SNAP25: variants seen among roughly 807,000 people sequenced by gnomAD.
The protein encoded by SNAP25 is synaptosome associated protein 25.
In SNAP25, 3 loss-of-function variants were observed where a neutral mutation model predicts 28.7. The observed-to-expected ratio is 0.10, with a 90% CI of 0.05 to 0.27. The LOEUF (loss-of-function observed/expected upper bound fraction) is 0.27. Ranked by LOEUF, SNAP25 falls within the 10% of genes least tolerant of loss-of-function variation. The probability of loss-of-function intolerance (pLI) is 1.00; values close to 1 mark genes in which losing one functional copy is unlikely to be tolerated. For synonymous variants in SNAP25, 61 were observed against 88.1 expected (o/e 0.69, Z 1.72); for missense variants, 117 against 278.7 (o/e 0.42, Z 4.13).
At chr20:10,276,233 T>C (rs1469065612) in intron 2 of SNAP25, among the ~76,000 whole-genome samples, 1 of 152,128 alleles carries the variant, frequency 6.6e-6, no homozygotes, top group Non-Finnish European at 1.5e-5. Context: ...GAGGATCGCA[T>C]AGGCCAAGAG....
At chr20:10,224,257 CTTTTTTTTTTTTTTTTTT>C (rs71332917) in intron 1 of SNAP25, among the ~76,000 whole-genome samples, 8 of 17,432 alleles carry the variant, frequency 4.6e-4, no homozygotes, top group South Asian at 4.2e-3. Context: ...ATGTACATGT[CTTTTTTTTTTTTTTTTTT>C]TTTTTTTTTT....
intron 2 of SNAP25, among the ~76,000 whole-genome samples, chr20:10,277,223 G>T (rs998128915): frequency 2.0e-5 from 3 of 152,066 alleles, no homozygotes; most frequent in Non-Finnish European, 4.4e-5. Context: ...AATTTGTATT[G>T]ATAAGAACTT....
intron 5 of SNAP25, among the ~76,000 whole-genome samples, chr20:10,295,554 T>G (rs1171139423): frequency 6.6e-6 from 1 of 152,150 alleles, no homozygotes; most frequent in East Asian, 1.9e-4. Context: ...TTGCTGAAAT[T>G]CCATTGGTAC....
In SNAP25 at chr20:10,233,414, G is replaced by A. The variant is rs548544873; in HGVS notation, c.-64+14437G>A. ...ATGTGATTCCTTGACCCAGCCAACC[G>A]TAACATTTATCCTTGTCACAAATTT... On this transcript the variant is annotated intron_variant, in intron 1 of 7. Transcript: ENST00000254976. 8.9e-4 allele frequency among the ~76,000 whole-genome samples: 135 copies of A among 152,258 alleles called. 2 individuals are homozygous for A. The highest frequency in any genetic ancestry group is 2.6e-3 in the African/African-American group (110 of 41,540).
chr20:10,249,139 G>T (rs1201716887), intron 1 of SNAP25, among the ~76,000 whole-genome samples: 1 of 152,216 alleles, frequency 6.6e-6, no homozygotes, highest in Admixed American at 6.5e-5. Flanking sequence ...TTCTTCTGGT[G>T]AGGCTATAGT....
At chr20:10,263,080 G>T (rs749253131) in intron 1 of SNAP25, among the ~76,000 whole-genome samples, 1 of 131,526 alleles carries the variant, frequency 7.6e-6, no homozygotes, top group African/African-American at 2.8e-5. Flanking sequence ...GTGCAGTGGC[G>T]CAGTCTCAGC....
At chr20:10,240,954 G>A (rs920326788) in intron 1 of SNAP25, among the ~76,000 whole-genome samples, 3 of 152,168 alleles carry the variant, frequency 2.0e-5, no homozygotes, top group Admixed American at 2.0e-4. Flanking sequence ...AGGCTTTGGG[G>A]GTCCCTGACA....
chr20:10,284,652 C>G, intron 3 of SNAP25, 72 bp from the exon 4 acceptor site: 1 of 1,198,442 alleles, frequency 8.3e-7, no homozygotes, highest in Non-Finnish European at 1.2e-6. Context: ...TAATTGTCCC[C>G]TTACTGATTT....
At chr20:10,236,922 C>T (rs1264559304) in intron 1 of SNAP25, among the ~76,000 whole-genome samples, 2 of 151,514 alleles carry the variant, frequency 1.3e-5, no homozygotes, top group African/African-American at 4.9e-5. Context: ...TCAGTTCCTG[C>T]ACCAGCTTCA....
chr20:10,277,213 A>G (rs1430118674), intron 2 of SNAP25, among the ~76,000 whole-genome samples: 1 of 152,182 alleles, frequency 6.6e-6, no homozygotes, highest in Non-Finnish European at 1.5e-5. Context: ...GCAACAACTT[A>G]ATTTGTATTG....
intron 1 of SNAP25, among the ~76,000 whole-genome samples, chr20:10,246,378 A>G (rs1185437197): frequency 6.6e-6 from 1 of 152,126 alleles, no homozygotes; most frequent in Non-Finnish European, 1.5e-5. Flanking sequence ...ATTGAGAGGG[A>G]GGGGAATTGC....
chr20:10,265,329 A>G (rs1214966834), intron 1 of SNAP25, among the ~76,000 whole-genome samples: 3 of 152,340 alleles, frequency 2.0e-5, no homozygotes, highest in Middle Eastern at 3.4e-3. Flanking sequence ...ACAGCATGTT[A>G]TCTGCTGAAA....
chr20:10,226,526 T>C (rs1329718188), intron 1 of SNAP25, among the ~76,000 whole-genome samples: 2 of 152,146 alleles, frequency 1.3e-5, no homozygotes, highest in African/African-American at 4.8e-5. Context: ...TCATCATGTT[T>C]CTGCCCTCCA....
At chr20:10,296,827 C>T in intron 5 of SNAP25, 98 bp from the exon 6 acceptor site, 2 of 1,571,542 alleles carry the variant, frequency 1.3e-6, no homozygotes, top group South Asian at 1.2e-5. Context: ...ACTTAAAACT[C>T]ATTCGCTTGG....
intron 1 of SNAP25, among the ~76,000 whole-genome samples, chr20:10,221,681 G>A (rs1356085934): frequency 6.6e-6 from 1 of 152,110 alleles, no homozygotes; most frequent in African/African-American, 2.4e-5. Context: ...TGTTAAACAC[G>A]CACAACCACA....
chr20:10,237,910 C>T (rs1341800131), intron 1 of SNAP25, among the ~76,000 whole-genome samples: 1 of 152,198 alleles, frequency 6.6e-6, no homozygotes, highest in Non-Finnish European at 1.5e-5. Flanking sequence ...CCCATACCAC[C>T]ATTTCTCCTG....
At chr20:10,276,180 C>T (rs1410544748) in intron 2 of SNAP25, among the ~76,000 whole-genome samples, 4 of 152,076 alleles carry the variant, frequency 2.6e-5, no homozygotes, top group South Asian at 2.1e-4. Context: ...CTGGGTACAG[C>T]GGCTCTCACC....
intron 1 of SNAP25, among the ~76,000 whole-genome samples, chr20:10,273,869 C>G (rs1431550276): frequency 6.6e-6 from 1 of 152,210 alleles, no homozygotes; most frequent in Non-Finnish European, 1.5e-5. Flanking sequence ...GATACCTACC[C>G]CATCGGGCCC....
chr20:10,282,765 C>G (rs763812664), intron 3 of SNAP25, among the ~76,000 whole-genome samples: 1 of 152,172 alleles, frequency 6.6e-6, no homozygotes, highest in Non-Finnish European at 1.5e-5. Flanking sequence ...CCTGCATTGT[C>G]ACATCCCTAT....
Sources: gnomAD v4.1 joint callset for allele counts (sites outside exome capture counted in the v4.1 genomes callset) on GRCh38, gnomAD v4.1.1 for gene constraint, MANE v1.5 for transcripts, NCBI Gene and HGNC (gene_info 2026-07-23, HGNC 2026-07-21) for gene names.